Variants in MDGA1 observed in about 807,000 individuals in gnomAD.
MDGA1 encodes the protein MAM domain-containing glycosylphosphatidylinositol anchor protein 1.
A neutral mutation model predicts 101.5 loss-of-function variants in MDGA1; 54 were observed. That is an observed-to-expected ratio of 0.53 (90% CI 0.43 to 0.67). MDGA1 has a LOEUF of 0.67. Among genes scored for constraint, MDGA1 ranks in the 30% least tolerant of loss-of-function variants. The probability of loss-of-function intolerance (pLI) is 0.00; values close to 1 mark genes in which losing one functional copy is unlikely to be tolerated. For synonymous variants in MDGA1, 533 were observed against 558.3 expected (o/e 0.95, Z 0.64); for missense variants, 1,083 against 1,323.8 (o/e 0.82, Z 2.82).
chr6:37,686,877 T>C (rs1762208213), intron 1 of MDGA1, among the ~76,000 whole-genome samples: 1 of 152,246 alleles, frequency 6.6e-6, no homozygotes. Flanking sequence ...TAAGCCTTTC[T>C]GGTCAGGTCT....
At chr6:37,688,057 GT>G (rs1372421125) in intron 1 of MDGA1, among the ~76,000 whole-genome samples, 2 of 152,130 alleles carry the variant, frequency 1.3e-5, no homozygotes, top group Admixed American at 6.5e-5. Flanking sequence ...AGTGGATTTT[GT>G]TTTTTTCCCA....
chr6:37,677,133 T>A (rs11758220), intron 1 of MDGA1, among the ~76,000 whole-genome samples: 37,046 of 152,122 alleles, frequency 0.24, 4,923 homozygotes, highest in East Asian at 0.31. Flanking sequence ...GACCCAAGTA[T>A]GGCTTCAGGA....
rs984027348 is a variant in MDGA1 at position 37,654,659 on chromosome 6, G to A, written c.713-116C>T. 3.2e-5 allele frequency: 49 copies of A among 1,545,788 alleles called. 2 individuals carry two copies. The South Asian group carries it at 5.7e-4, about 18-fold the overall frequency. On this transcript the variant is annotated intron_variant, in intron 5 of 16. Transcript: ENST00000434837. ...AGAAGCCCTCAGGGGAGATGAGAGG[G>A]GAGAAGACGGAGCAGGAAGAGGAGG...
chr6:37,680,829 G>A (rs916957267), intron 1 of MDGA1, among the ~76,000 whole-genome samples: 8 of 152,260 alleles, frequency 5.3e-5, no homozygotes, highest in African/African-American at 1.7e-4. Flanking sequence ...GCGGGTGAGC[G>A]CACGCCTGGC....
At chr6:37,681,938 C>T (rs1017921655) in intron 1 of MDGA1, among the ~76,000 whole-genome samples, 1 of 152,192 alleles carries the variant, frequency 6.6e-6, no homozygotes, top group Non-Finnish European at 1.5e-5. Context: ...CAAGCTCCTC[C>T]TAGTATCCCT....
Position 37,652,033 on chromosome 6 carries a change from C to G in MDGA1, c.1290G>C (p.Glu430Asp), listed in dbSNP as rs769525138. The change falls in exon 7 of 17, where the codon GAG (glutamate) becomes GAC (aspartate). Residue 430 changes from glutamate (E) to aspartate (D), a missense_variant. Coordinates refer to ENST00000434837, the MANE Select transcript of MDGA1 (RefSeq NM_153487.4). The surrounding 1 kb of genome is among the most constrained non-coding windows in gnomAD (Gnocchi z 4.3). Reference sequence around the variant, plus strand: ...CACCTGTCTCAGAGGAGATGTTGACCTCGACGCTGAGGTCGGGCACGGGTG... The same window carrying G: ...CACCTGTCTCAGAGGAGATGTTGACGTCGACGCTGAGGTCGGGCACGGGTG... ...PGAPVPDLSV[E>D]VNISSETVPP... 1.2e-6 allele frequency: 2 copies of G among 1,601,812 alleles called. No individual in the cohort carries two copies. The highest frequency in any genetic ancestry group is 1.7e-6 in the Non-Finnish European group (2 of 1,175,838).
At chr6:37,677,671 G>T (rs1346472694) in intron 1 of MDGA1, among the ~76,000 whole-genome samples, 1 of 138,662 alleles carries the variant, frequency 7.2e-6, no homozygotes, top group Admixed American at 7.1e-5. Context: ...TGGTCATTGG[G>T]CTTCTTTTTT....
rs1401402296 is a variant in MDGA1 at position 37,649,351 on chromosome 6, C to A, written c.1610-85G>T. ...GCCCGTGGGGAGGCAACGCGCTCGC[C>A]TCTAATGCCGTGAGCCCCCGCCAGG... On this transcript the variant is annotated intron_variant, in intron 8 of 16. Transcript: ENST00000434837. The A allele has an allele frequency of 2.9e-6, 4 of 1,397,816 alleles. No individual in the cohort carries two copies. In the African/African-American group the frequency reaches 6.1e-5, roughly 21 times the overall value. 86.6% of individuals were successfully genotyped at this position (1,397,816 alleles called of 1,614,324 possible).
intron 14 of MDGA1, among the ~76,000 whole-genome samples, chr6:37,643,599 C>T (rs1157029558): frequency 6.6e-6 from 1 of 152,208 alleles, no homozygotes; most frequent in Admixed American, 6.5e-5. Context: ...TCTGCAGGCT[C>T]AGGACACCCT....
Position 37,630,710 on chromosome 6 carries a change from G to A in MDGA1, c.*6658C>T, listed in dbSNP as rs936034925. ...CAACTATTTTATTATATCCCATGAC[G>A]ATGGGTCAGGAATTTGGACAGAGCT... On this transcript the variant is annotated 3_prime_UTR_variant, in exon 17 of 17. Transcript: ENST00000434837. 2.0e-5 allele frequency: 3 copies of A among 152,200 alleles called. No individual in the cohort carries two copies. Among genetic ancestry groups the A allele is most frequent in the South Asian group, 2.1e-4 (1 of 4,828 alleles). 9.4% of individuals were successfully genotyped at this position (152,200 alleles called of 1,614,324 possible).
chr6:37,661,821 G>T (rs1417303968), intron 2 of MDGA1, among the ~76,000 whole-genome samples: 1 of 152,118 alleles, frequency 6.6e-6, no homozygotes, highest in Non-Finnish European at 1.5e-5. Flanking sequence ...ATATGATGTA[G>T]CACAACAGGG....
rs139576021 is a variant in MDGA1, at chr6:37,635,436, T to C, written c.*1932A>G. 7 of 398,592 alleles carry C rather than the reference T, an allele frequency of 1.8e-5. No homozygotes were observed. The highest frequency in any genetic ancestry group is 3.1e-5 in the Non-Finnish European group (7 of 226,120). 24.7% of individuals were successfully genotyped at this position (398,592 alleles called of 1,614,324 possible). A position where few individuals can be genotyped will look rare whatever the true frequency, so the allele number is the denominator to read the frequency against. Reference sequence around the variant, plus strand: ...CAATACCCGACAGACGCGATGGAAGTGTATGCTGAGAACCTGGAGCGACTC... The same window carrying C: ...CAATACCCGACAGACGCGATGGAAGCGTATGCTGAGAACCTGGAGCGACTC... On this transcript the variant is annotated 3_prime_UTR_variant, in exon 17 of 17. Transcript: ENST00000434837.
Position 37,696,219 on chromosome 6 carries a change from G to A in MDGA1, c.67+526C>T, listed in dbSNP as rs1762415204. 1.3e-5 allele frequency among the ~76,000 whole-genome samples: 2 copies of A among 152,218 alleles called. No homozygotes were observed. Among genetic ancestry groups the A allele is most frequent in the South Asian group, 4.1e-4 (2 of 4,828 alleles). ...CGGGGTCGAAGGCGCCAGGGCCAGG[G>A]GATGCCGGCATCCTGATCAGGGTGT... On this transcript the variant is annotated intron_variant, in intron 1 of 16. Transcript: ENST00000434837. This position sits in a 1 kb window ranked among gnomAD's most constrained non-coding sequence, Gnocchi z 5.6.
chr6:37,643,934 A>G lies in MDGA1; in HGVS notation c.2411T>C (p.Met804Thr). The G allele has an allele frequency of 1.2e-6, 2 of 1,613,810 alleles. No individual in the cohort carries two copies. The highest frequency in any genetic ancestry group is 8.5e-7 in the Non-Finnish European group (1 of 1,179,826). Residue 804 changes from methionine to threonine, a missense_variant, in exon 14 of 17, where the codon ATG (methionine) becomes ACG (threonine). Transcript: ENST00000434837. ...DISGTPEGYY[M>T]FIETSRPREL... is the part of the protein sequence containing the mutation. ...CCGAGGCCTCGATGTCTCGATGAAC[A>G]TGTAGTAGCCTGCGGGGAATGGGGA...
Position 37,648,961 on chromosome 6 carries a change from C to T in MDGA1, c.1894+21G>A, listed in dbSNP as rs1013137176. 12 of 1,546,076 alleles carry T rather than the reference C, an allele frequency of 7.8e-6. No individual in the cohort carries two copies. The African/African-American group carries it at 1.5e-4, about 20-fold the overall frequency. The stretch of plus-strand genomic sequence containing the variant: ...CCCCTGGTGGGCGTGGTAGGTGGGG[C>T]GGGACCCACTGGACGCTCACCGGAG... On this transcript the variant is annotated intron_variant, in intron 9 of 16. Coordinates refer to ENST00000434837, the MANE Select transcript of MDGA1 (RefSeq NM_153487.4).
intron 1 of MDGA1, among the ~76,000 whole-genome samples, chr6:37,691,564 T>C (rs934197076): frequency 1.3e-5 from 2 of 152,226 alleles, no homozygotes; most frequent in African/African-American, 2.4e-5. Flanking sequence ...TCTTTCTTTA[T>C]ACTTTTATGT....
In MDGA1 at chr6:37,638,029, A is replaced by G. The variant is rs918564259; in HGVS notation, c.2776+176T>C. The stretch of plus-strand genomic sequence containing the variant: ...CAGGCTTCTCATTGTTTACACAAGT[A>G]CACAGCCTGAGTGAGTGTGGGGCAC... On this transcript the variant is annotated intron_variant, in intron 16 of 16. Transcript: ENST00000434837. This position sits in a 1 kb window ranked among gnomAD's most constrained non-coding sequence, Gnocchi z 4.8. 2 of 638,726 alleles carry G rather than the reference A, an allele frequency of 3.1e-6. No homozygotes were observed. The highest frequency in any genetic ancestry group is 5.8e-6 in the Non-Finnish European group (2 of 346,838). The allele number at this position is 638,726 out of a possible 1,614,324, so 39.6% of individuals were successfully genotyped here. A position where few individuals can be genotyped will look rare whatever the true frequency, so the allele number is the denominator to read the frequency against.
At chr6:37,681,325 C>G (rs1017116201) in intron 1 of MDGA1, among the ~76,000 whole-genome samples, 10 of 152,092 alleles carry the variant, frequency 6.6e-5, no homozygotes, top group Non-Finnish European at 4.4e-5. Flanking sequence ...CTGCCCCTGC[C>G]CCCCCTCTTC....
intron 1 of MDGA1, among the ~76,000 whole-genome samples, chr6:37,692,560 G>A (rs1425448514): frequency 1.3e-5 from 2 of 152,004 alleles, no homozygotes; most frequent in African/African-American, 4.8e-5. Context: ...GAGAAGCTGG[G>A]GCTGCTACCA....
Sources: gnomAD v4.1 joint callset for allele counts (sites outside exome capture counted in the v4.1 genomes callset) on GRCh38, gnomAD v4.1.1 for gene constraint, Gnocchi (gnomAD v3.1) non-coding constraint, MANE v1.5 for transcripts, NCBI Gene and HGNC (gene_info 2026-07-23, HGNC 2026-07-21) for gene names.